TRMT13: variants seen among roughly 807,000 people sequenced by gnomAD.
TRMT13 encodes the protein tRNA methyltransferase 13.
In TRMT13, 45 loss-of-function variants were observed where a neutral mutation model predicts 55.9. That is an observed-to-expected ratio of 0.80 (90% CI 0.63 to 1.03). The LOEUF is 1.03. Ranked by LOEUF, TRMT13 falls within the 50% of genes least tolerant of loss-of-function variation. TRMT13 has a pLI of 0.00. For missense variants in TRMT13, 513 were observed against 563.9 expected (o/e 0.91, Z 0.91); for synonymous variants, 183 against 196.3 (o/e 0.93, Z 0.57).
chr1:100,140,546 GGCCTTTGTTCATT>G (rs754315080), intron 6 of TRMT13, 32 bp downstream of exon 6: 1 of 1,434,348 alleles, frequency 7.0e-7, no homozygotes, highest in East Asian at 2.3e-5. Flanking sequence ...TACTAAACAT[GGCCTTTGTTCATT>G]TGTTAAAACT....
chr1:100,137,683 A>T (rs1312044904), intron 3 of TRMT13, among the ~76,000 whole-genome samples: 1 of 152,198 alleles, frequency 6.6e-6, no homozygotes, highest in Non-Finnish European at 1.5e-5. Flanking sequence ...GGGAAAAAAG[A>T]TAATCAGTGC....
chr1:100,144,499 A>G (rs1249589955), intron 9 of TRMT13: 1 of 157,846 alleles, frequency 6.3e-6, no homozygotes, highest in Non-Finnish European at 1.4e-5. Context: ...AAGAACTCAG[A>G]AACCTCTTCT....
intron 10 of TRMT13, 63 bp from the exon 11 acceptor site, chr1:100,148,562 A>C (rs1657591343): frequency 6.9e-7 from 1 of 1,458,470 alleles, no homozygotes; most frequent in Non-Finnish European, 9.4e-7. Context: ...TAGTGACAAA[A>C]ATAATTTTTT....
chr1:100,146,125 A>T (rs916695167), intron 9 of TRMT13, among the ~76,000 whole-genome samples: 2 of 152,116 alleles, frequency 1.3e-5, no homozygotes, highest in African/African-American at 2.4e-5. Flanking sequence ...ACTCACCCAA[A>T]CAAAACAACT....
intron 7 of TRMT13, 125 bp downstream of exon 7, chr1:100,141,144 CTTT>C: frequency 1.1e-6 from 1 of 896,662 alleles, no homozygotes; most frequent in Non-Finnish European, 1.6e-6. Flanking sequence ...TTTGTTGTAG[CTTT>C]TTATTAGTTC....
chr1:100,138,642 C>T (rs1465863248), intron 3 of TRMT13, among the ~76,000 whole-genome samples: 1 of 152,202 alleles, frequency 6.6e-6, no homozygotes, highest in African/African-American at 2.4e-5. Context: ...CTACACATAA[C>T]ATAATGTCCC....
In TRMT13 at chr1:100,133,271, G is replaced by A. The variant is rs772669122; in HGVS notation, c.103G>A (p.Ala35Thr). ...KKKRFCRMVV[A>T]AGKRFCGEHA... is the part of the protein sequence containing the mutation. ...GAAACGGTTCTGCAGGATGGTGGTGGCCGCAGGGAAAAGATTTTGTGGTGA... is the reference window on the plus strand; with the variant it reads ...GAAACGGTTCTGCAGGATGGTGGTGACCGCAGGGAAAAGATTTTGTGGTGA... Residue 35 changes from alanine (A) to threonine (T), a missense_variant, in exon 1 of 11, where the codon GCC becomes ACC. By Grantham distance (58) the Ala-to-Thr change is moderately conservative. Coordinates refer to ENST00000370141, the MANE Select transcript of TRMT13 (RefSeq NM_019083.3). 2 of 1,614,054 alleles carry A rather than the reference G, an allele frequency of 1.2e-6. No individual in the cohort carries two copies. Among genetic ancestry groups the A allele is most frequent in the South Asian group, 1.1e-5 (1 of 91,076 alleles).
At chr1:100,145,893 C>T (rs968901509) in intron 9 of TRMT13, among the ~76,000 whole-genome samples, 2 of 152,104 alleles carry the variant, frequency 1.3e-5, no homozygotes, top group African/African-American at 4.8e-5. Context: ...AATCTCAGAC[C>T]CATCTGCTAC....
At chr1:100,145,325 A>C (rs1657108751) in intron 9 of TRMT13, among the ~76,000 whole-genome samples, 1 of 152,236 alleles carries the variant, frequency 6.6e-6, no homozygotes, top group South Asian at 2.1e-4. Context: ...GCCTCATAAA[A>C]GTCTTCTAAA....
At chr1:100,138,261 A>G (rs1201983019) in intron 3 of TRMT13, among the ~76,000 whole-genome samples, 1 of 152,214 alleles carries the variant, frequency 6.6e-6, no homozygotes, top group African/African-American at 2.4e-5. Flanking sequence ...AATTTTGTAT[A>G]CTAAATAAAA....
At chr1:100,145,866 ATC>A (rs776421721) in intron 9 of TRMT13, among the ~76,000 whole-genome samples, 5 of 152,172 alleles carry the variant, frequency 3.3e-5, no homozygotes, top group Non-Finnish European at 7.4e-5. Context: ...GCAAGACCCT[ATC>A]TCAATCGGTC....
intron 3 of TRMT13, 91 bp downstream of exon 3, chr1:100,137,176 G>A: frequency 9.1e-7 from 1 of 1,094,620 alleles, no homozygotes; most frequent in Non-Finnish European, 1.3e-6. Flanking sequence ...TTTCATAGCT[G>A]AGGAACCCAA....
chr1:100,139,604 G>A lies in TRMT13; in HGVS notation c.262-45G>A, dbSNP rs996595057. On this transcript the variant is annotated intron_variant, in intron 3 of 10. Transcript: ENST00000370141. ...CAGTATTTTAGTTTAATTTTTGTGA[G>A]CTACACATTATTAACAGTTCTTTTA... The A allele has an allele frequency of 6.6e-6, 8 of 1,204,652 alleles. No individual in the cohort carries two copies. The Admixed American group carries it at 1.3e-4, about 20-fold the overall frequency. 74.6% of individuals were successfully genotyped at this position (1,204,652 alleles called of 1,614,324 possible).
At chr1:100,143,233 G>C (rs762821844) in intron 8 of TRMT13, 24 bp downstream of exon 8, 9 of 1,494,806 alleles carry the variant, frequency 6.0e-6, no homozygotes, top group Non-Finnish European at 8.4e-6. Flanking sequence ...CTTTCCATTG[G>C]TCTACAAATA....
At chr1:100,145,400 C>T (rs187949809) in intron 9 of TRMT13, among the ~76,000 whole-genome samples, 1 of 152,302 alleles carries the variant, frequency 6.6e-6, no homozygotes, top group East Asian at 1.9e-4. Context: ...GGCCATTTCT[C>T]ATGTTCCACA....
chr1:100,147,063 TTTGA>T (rs1439865041), intron 9 of TRMT13, among the ~76,000 whole-genome samples: 1 of 152,212 alleles, frequency 6.6e-6, no homozygotes, highest in African/African-American at 2.4e-5. Flanking sequence ...TGTATATGTT[TTTGA>T]TTGAACAGAC....
Position 100,150,424 on chromosome 1 carries a change from A to T in TRMT13, c.*1604A>T, listed in dbSNP as rs1657874745. 6.6e-6 allele frequency: 1 copy of T among 152,198 alleles called. No individual in the cohort carries two copies. The highest frequency in any genetic ancestry group is 2.1e-4 in the South Asian group (1 of 4,834). 9.4% of individuals were successfully genotyped at this position (152,198 alleles called of 1,614,324 possible). On this transcript the variant is annotated 3_prime_UTR_variant, in exon 11 of 11. Transcript: ENST00000370141. ...TTTTTTTATTGTGTCAAGCAATACT[A>T]ATTTGTGTCATAAAATTTGTTTTGC...
At chr1:100,142,275 A>C (rs1656731953) in intron 7 of TRMT13, among the ~76,000 whole-genome samples, 1 of 152,184 alleles carries the variant, frequency 6.6e-6, no homozygotes. Flanking sequence ...GAGTTGGTAA[A>C]GTAGAAGGAA....
At position 100,139,656 on chromosome 1, in the gene TRMT13, A is replaced by G. The variant is rs761038969; in HGVS notation, c.269A>G (p.Tyr90Cys). Residue 90 changes from tyrosine (Y) to cysteine (C), a missense_variant, in exon 4 of 11, where the codon TAT becomes TGT. Tyr to Cys is a radical substitution (Grantham distance 194). Around this residue, in one of 3 missense-constraint regions of TRMT13, gnomAD observed 298 missense variants for 290.3 expected, o/e 1.03. Coordinates refer to ENST00000370141, the MANE Select transcript of TRMT13 (RefSeq NM_019083.3). ...NSREKPKPDF[Y>C]IQDINAGLRD... ...GGTTTTGTTTTTGTTAAGGATTTCTATATTCAAGATATTAATGCAGGCTTA... is the reference window on the plus strand; with the variant it reads ...GGTTTTGTTTTTGTTAAGGATTTCTGTATTCAAGATATTAATGCAGGCTTA... 8 of 1,536,762 alleles carry G rather than the reference A, an allele frequency of 5.2e-6. No homozygotes were observed. Among genetic ancestry groups the G allele is most frequent in the East Asian group, 2.3e-5 (1 of 44,220 alleles).
Sources: gnomAD v4.1 joint callset for allele counts (sites outside exome capture counted in the v4.1 genomes callset) on GRCh38, gnomAD v4.1.1 for gene constraint, gnomAD v4.1.1 regional missense constraint, MANE v1.5 for transcripts, NCBI Gene and HGNC (gene_info 2026-07-23, HGNC 2026-07-21) for gene names.